FHOD3: variants seen among roughly 807,000 people sequenced by gnomAD.
The protein encoded by FHOD3 is FH1/FH2 domain-containing protein 3.
Under a neutral mutation model 173.0 loss-of-function variants are expected in FHOD3, and 90 were observed. The ratio of observed to expected loss-of-function variants is 0.52; its 90% CI spans 0.44 to 0.62. The LOEUF (loss-of-function observed/expected upper bound fraction) is 0.62. Ranked by LOEUF, FHOD3 falls within the 20% of genes least tolerant of loss-of-function variation. FHOD3 has a pLI of 0.00. For synonymous variants in FHOD3, 828 were observed against 823.0 expected, an observed-to-expected ratio of 1.01 and a Z score of -0.10; for missense variants, 1,945 against 2,034.7, an observed-to-expected ratio of 0.96 and a Z score of 0.85.
intron 28 of FHOD3, among the ~76,000 whole-genome samples, chr18:36,774,548 C>A (rs2043540751): frequency 6.6e-6 from 1 of 152,162 alleles, no homozygotes; most frequent in Non-Finnish European, 1.5e-5. Flanking sequence ...AGCCTCTCCC[C>A]AAGACTCTTG....
At chr18:36,719,979 C>A (rs1447047859) in intron 19 of FHOD3, among the ~76,000 whole-genome samples, 1 of 152,184 alleles carries the variant, frequency 6.6e-6, no homozygotes, top group Non-Finnish European at 1.5e-5. Context: ...GAGTCTAAAT[C>A]ATTTCCAGCC....
intron 3 of FHOD3, among the ~76,000 whole-genome samples, chr18:36,466,214 G>A (rs1554009): frequency 0.75 from 114,263 of 152,140 alleles, 44,111 homozygotes; most frequent in East Asian, 0.95. Context: ...ATGACTTGCT[G>A]AAAATGGGTG....
intron 3 of FHOD3, among the ~76,000 whole-genome samples, chr18:36,491,920 A>T (rs577906745): frequency 2.6e-5 from 4 of 152,206 alleles, no homozygotes; most frequent in African/African-American, 9.7e-5. Context: ...AGTTTTAGCC[A>T]TTATGAATAT....
At chr18:36,653,052 G>T (rs2036174641) in intron 12 of FHOD3, 123 bp downstream of exon 12, 1 of 1,307,874 alleles carries the variant, frequency 7.6e-7, no homozygotes, top group Admixed American at 2.8e-5. Context: ...CAAGCAGGGA[G>T]CAGTTGTGGC....
chr18:36,402,172 G>A (rs558052731), intron 3 of FHOD3, among the ~76,000 whole-genome samples: 87 of 152,260 alleles, frequency 5.7e-4, no homozygotes, highest in Non-Finnish European at 7.5e-4. Context: ...TCGGCTGGGC[G>A]TGGTCCTTTT....
intron 3 of FHOD3, among the ~76,000 whole-genome samples, chr18:36,486,773 T>C (rs1588732): frequency 0.021 from 3,270 of 152,272 alleles, 112 homozygotes; most frequent in African/African-American, 0.074. Context: ...ACAAAAAATA[T>C]TTTCCCATAG....
chr18:36,516,220 T>C (rs1312393415), intron 5 of FHOD3, among the ~76,000 whole-genome samples: 2 of 152,194 alleles, frequency 1.3e-5, no homozygotes, highest in African/African-American at 4.8e-5. Context: ...TTAACTGTGC[T>C]GTCTTCGGTG....
At chr18:36,641,812 T>A (rs1434202965) in intron 10 of FHOD3, among the ~76,000 whole-genome samples, 1 of 151,958 alleles carries the variant, frequency 6.6e-6, no homozygotes, top group Non-Finnish European at 1.5e-5. Context: ...AAAAATTAGC[T>A]GGGTGTGGTG....
At chr18:36,462,289 G>T (rs531243980) in intron 3 of FHOD3, among the ~76,000 whole-genome samples, 5,221 of 133,036 alleles carry the variant, frequency 0.039, 272 homozygotes, top group African/African-American at 0.14. Context: ...CAGTTCTCTC[G>T]TGTGTGTGTG....
At chr18:36,637,571 T>G (rs559783358) in intron 10 of FHOD3, among the ~76,000 whole-genome samples, 1 of 152,212 alleles carries the variant, frequency 6.6e-6, no homozygotes, top group Non-Finnish European at 1.5e-5. Context: ...TCCTATTTCC[T>G]TGTGCCTCCC....
intron 14 of FHOD3, among the ~76,000 whole-genome samples, chr18:36,679,213 C>T (rs971064817): frequency 5.3e-5 from 8 of 151,894 alleles, no homozygotes; most frequent in South Asian, 2.1e-4. Flanking sequence ...AAAATTTCCC[C>T]TTATTTTTGT....
chr18:36,482,028 T>C (rs986136612), intron 3 of FHOD3, among the ~76,000 whole-genome samples: 10 of 152,158 alleles, frequency 6.6e-5, no homozygotes, highest in African/African-American at 2.4e-4. Flanking sequence ...CTGAAAATTA[T>C]TTCAAGCTCT....
intron 24 of FHOD3, among the ~76,000 whole-genome samples, chr18:36,754,269 G>A (rs1411761910): frequency 1.3e-5 from 2 of 152,050 alleles, no homozygotes; most frequent in African/African-American, 2.4e-5. Context: ...CCATATTCAA[G>A]CTGTGCAAAT....
chr18:36,635,106 C>T (rs1026068255), intron 10 of FHOD3, among the ~76,000 whole-genome samples: 2 of 152,018 alleles, frequency 1.3e-5, no homozygotes, highest in African/African-American at 4.8e-5. Context: ...CAAAGGGTGG[C>T]CTGGAGAGAA....
At chr18:36,631,463 G>A (rs1478296425) in intron 10 of FHOD3, among the ~76,000 whole-genome samples, 1 of 152,202 alleles carries the variant, frequency 6.6e-6, no homozygotes, top group African/African-American at 2.4e-5. Context: ...ACTGTGTGAT[G>A]TAAAATGAAG....
intron 16 of FHOD3, among the ~76,000 whole-genome samples, chr18:36,687,468 G>T (rs2038698711): frequency 6.6e-6 from 1 of 152,152 alleles, no homozygotes; most frequent in Non-Finnish European, 1.5e-5. Flanking sequence ...CCACTGCTGA[G>T]CCTGGACTAC....
At chr18:36,502,393 TC>T (rs2146063775) in intron 4 of FHOD3, among the ~76,000 whole-genome samples, 1 of 152,218 alleles carries the variant, frequency 6.6e-6, no homozygotes, top group East Asian at 1.9e-4. Flanking sequence ...TGCTATCCCT[TC>T]CCTAGCCCCC....
chr18:36,352,754 A>G (rs2046191055), intron 1 of FHOD3, among the ~76,000 whole-genome samples: 1 of 152,238 alleles, frequency 6.6e-6, no homozygotes, highest in Non-Finnish European at 1.5e-5. Context: ...AGGTTTTGTC[A>G]TTCCATCTTT....
intron 28 of FHOD3, among the ~76,000 whole-genome samples, chr18:36,770,398 G>A (rs892093606): frequency 1.3e-5 from 2 of 152,172 alleles, no homozygotes; most frequent in African/African-American, 4.8e-5. Context: ...AGGTGACCAG[G>A]GTGTGGCCTG....
Sources: allele counts gnomAD v4.1 joint callset (sites outside exome capture counted in the v4.1 genomes callset), GRCh38; gene constraint gnomAD v4.1.1; transcripts MANE v1.5; gene names NCBI Gene and HGNC (gene_info 2026-07-23, HGNC 2026-07-21).